GRIK2: variants seen among roughly 807,000 people sequenced by gnomAD.
GRIK2 encodes the protein glutamate receptor ionotropic, kainate 2.
Under a neutral mutation model 100.3 loss-of-function variants are expected in GRIK2, and 32 were observed. The observed-to-expected ratio is 0.32, with a 90% CI of 0.24 to 0.43. The LOEUF is 0.43. Ranked by LOEUF, GRIK2 falls within the 20% of genes least tolerant of loss-of-function variation. The pLI, the probability that GRIK2 is intolerant of heterozygous loss-of-function variation, is 1.00. For synonymous variants in GRIK2, 417 were observed against 389.4 expected, an observed-to-expected ratio of 1.07 and a Z score of -0.83; for missense variants, 843 against 1,114.9, an observed-to-expected ratio of 0.76 and a Z score of 3.47.
intron 10 of GRIK2, among the ~76,000 whole-genome samples, chr6:101,821,533 A>C (rs779183599): frequency 2.6e-5 from 4 of 152,138 alleles, no homozygotes; most frequent in Non-Finnish European, 5.9e-5. Flanking sequence ...AAGATGCACT[A>C]AGCTCTCATT....
chr6:101,416,895 G>C (rs1226601721), intron 2 of GRIK2, among the ~76,000 whole-genome samples: 1 of 152,130 alleles, frequency 6.6e-6, no homozygotes, highest in Non-Finnish European at 1.5e-5. Context: ...CTTCATCATT[G>C]GAAGGAGTTA....
At chr6:101,636,643 TG>T (rs1781033577) in intron 4 of GRIK2, among the ~76,000 whole-genome samples, 2 of 152,074 alleles carry the variant, frequency 1.3e-5, no homozygotes, top group African/African-American at 2.4e-5. Flanking sequence ...ATTTTGAATC[TG>T]TAGCAATCAC....
chr6:101,753,301 A>G (rs937396583), intron 7 of GRIK2, among the ~76,000 whole-genome samples: 1 of 149,824 alleles, frequency 6.7e-6, no homozygotes, highest in South Asian at 2.1e-4. Flanking sequence ...AAAAAAAAAA[A>G]AGAAAATAAC....
intron 2 of GRIK2, among the ~76,000 whole-genome samples, chr6:101,518,095 A>C (rs1010331905): frequency 1.4e-5 from 2 of 139,390 alleles, no homozygotes; most frequent in African/African-American, 5.0e-5. Context: ...GAATGTTTTG[A>C]GACCCCAAGT....
At chr6:101,572,752 C>CTTTTT (rs200522647) in intron 2 of GRIK2, among the ~76,000 whole-genome samples, 1 of 79,302 alleles carries the variant, frequency 1.3e-5, no homozygotes, top group Non-Finnish European at 3.0e-5. Context: ...GCCTCAGTTT[C>CTTTTT]TTTTTTTTTT....
At chr6:101,684,715 C>G (rs1771546532) in intron 6 of GRIK2, among the ~76,000 whole-genome samples, 1 of 141,608 alleles carries the variant, frequency 7.1e-6, no homozygotes, top group Non-Finnish European at 1.5e-5. Context: ...ATGGGAAAAT[C>G]TGGATTTTTT....
At chr6:101,478,726 G>A (rs1003838890) in intron 2 of GRIK2, among the ~76,000 whole-genome samples, 8 of 151,318 alleles carry the variant, frequency 5.3e-5, no homozygotes, top group Admixed American at 6.6e-5. Context: ...GGGTTTCACC[G>A]TGTTAGCCAG....
intron 7 of GRIK2, among the ~76,000 whole-genome samples, chr6:101,705,288 T>C (rs989612068): frequency 6.6e-6 from 1 of 151,192 alleles, no homozygotes; most frequent in African/African-American, 2.4e-5. Flanking sequence ...TTGTTATCCT[T>C]CTTCTTCTTC....
intron 10 of GRIK2, among the ~76,000 whole-genome samples, chr6:101,852,141 T>C (rs1426119531): frequency 1.3e-5 from 2 of 152,078 alleles, no homozygotes; most frequent in Non-Finnish European, 2.9e-5. Flanking sequence ...TGCTTAGTCA[T>C]GGGGATTGGC....
intron 4 of GRIK2, among the ~76,000 whole-genome samples, chr6:101,647,461 G>C (rs1293232172): frequency 6.6e-6 from 1 of 151,836 alleles, no homozygotes; most frequent in African/African-American, 2.4e-5. Flanking sequence ...AAGATCCAAG[G>C]CCTTCTCCCA....
chr6:101,730,748 A>G (rs1775208492), intron 7 of GRIK2, among the ~76,000 whole-genome samples: 1 of 151,826 alleles, frequency 6.6e-6, no homozygotes, highest in Non-Finnish European at 1.5e-5. Flanking sequence ...GATAATAGAG[A>G]AAAGAAAGAG....
At chr6:101,690,052 G>T (rs1771983386) in intron 7 of GRIK2, among the ~76,000 whole-genome samples, 1 of 152,076 alleles carries the variant, frequency 6.6e-6, no homozygotes, top group Non-Finnish European at 1.5e-5. Context: ...GGTGATACTT[G>T]TTATTGATTT....
chr6:101,495,263 T>C (rs1043406835), intron 2 of GRIK2, among the ~76,000 whole-genome samples: 9 of 151,902 alleles, frequency 5.9e-5, no homozygotes, highest in African/African-American at 2.2e-4. Flanking sequence ...CCCAGCACTT[T>C]GGGAGGCCGA....
At chr6:101,981,328 T>C (rs966953) in intron 14 of GRIK2, among the ~76,000 whole-genome samples, 7,581 of 151,886 alleles carry the variant, frequency 0.05, 486 homozygotes, top group East Asian at 0.33. Context: ...TATAAGGCAG[T>C]TTTACATTTT....
At chr6:101,545,429 T>A (rs1038669023) in intron 2 of GRIK2, among the ~76,000 whole-genome samples, 1 of 152,202 alleles carries the variant, frequency 6.6e-6, no homozygotes, top group African/African-American at 2.4e-5. Flanking sequence ...AGAGAAAATT[T>A]TTTGGGAGTC....
chr6:101,870,809 T>A (rs962858555), intron 11 of GRIK2, among the ~76,000 whole-genome samples: 3 of 151,860 alleles, frequency 2.0e-5, no homozygotes, highest in African/African-American at 7.3e-5. Context: ...AAAGGCATTC[T>A]GAAACACATA....
chr6:102,017,345 C>G (rs918410096), intron 14 of GRIK2, among the ~76,000 whole-genome samples: 1 of 152,136 alleles, frequency 6.6e-6, no homozygotes, highest in African/African-American at 2.4e-5. Flanking sequence ...GTCATGAGAA[C>G]AGCATGGTGG....
chr6:101,416,770 C>T (rs1776158199), intron 2 of GRIK2, among the ~76,000 whole-genome samples: 1 of 152,010 alleles, frequency 6.6e-6, no homozygotes. Context: ...CATTAAGTCC[C>T]TAGTAAAATG....
intron 12 of GRIK2, among the ~76,000 whole-genome samples, chr6:101,892,940 CA>C (rs67359797): frequency 0.12 from 17,540 of 151,016 alleles, 1,095 homozygotes; most frequent in Middle Eastern, 0.15. Context: ...TCTGAACATC[CA>C]AAAATCAAAT....
Sources: gnomAD v4.1 joint callset for allele counts (sites outside exome capture counted in the v4.1 genomes callset) on GRCh38, gnomAD v4.1.1 for gene constraint, MANE v1.5 for transcripts, NCBI Gene and HGNC (gene_info 2026-07-23, HGNC 2026-07-21) for gene names.